Variants in MTMR9 observed in about 807,000 individuals in gnomAD.
MTMR9 encodes myotubularin-related protein 9.
MTMR9 carries 39 observed loss-of-function variants against 69.5 expected under a neutral mutation model. The ratio of observed to expected loss-of-function variants is 0.56; its 90% confidence interval spans 0.43 to 0.73. MTMR9 has a LOEUF of 0.73. Ranked by LOEUF, MTMR9 falls within the 30% of genes least tolerant of loss-of-function variation. The pLI is 0.00. For missense variants in MTMR9, 900 were observed against 671.2 expected (o/e 1.34, Z -3.77); for synonymous variants, 354 against 240.8 (o/e 1.47, Z -4.35).
At chr8:11,329,925 T>A (rs2736266), downstream of MTMR9, among the ~76,000 whole-genome samples, 2 of 150,970 alleles carry the variant, frequency 1.3e-5, no homozygotes, top group African/African-American at 4.9e-5. Context: ...TCTGCCCGGC[T>A]GCGACCCCGT....
chr8:11,307,177 T>G (rs1319195405), intron 5 of MTMR9, among the ~76,000 whole-genome samples: 1 of 152,176 alleles, frequency 6.6e-6, no homozygotes, highest in Non-Finnish European at 1.5e-5. Flanking sequence ...GTTCAAGTGA[T>G]TCTCCTGTCT....
chr8:11,331,834 C>CG (rs1801245094), downstream of MTMR9: 1 of 1,611,776 alleles, frequency 6.2e-7, no homozygotes, highest in African/African-American at 1.3e-5. Flanking sequence ...GTGCTGCAGA[C>CG]CCCCGTGTTG....
chr8:11,293,304 A>G (rs1183273610), intron 1 of MTMR9, among the ~76,000 whole-genome samples: 1 of 152,226 alleles, frequency 6.6e-6, no homozygotes, highest in East Asian at 1.9e-4. Context: ...ATATTTTTGT[A>G]CAGCTGTATG....
downstream of MTMR9, chr8:11,331,934 G>C (rs1177547660): frequency 6.2e-7 from 1 of 1,612,066 alleles, no homozygotes. Context: ...CGGTCACCAA[G>C]GCCCACCCTG....
At chr8:11,290,448 A>G (rs1405962937) in intron 1 of MTMR9, among the ~76,000 whole-genome samples, 2 of 151,762 alleles carry the variant, frequency 1.3e-5, no homozygotes, top group Non-Finnish European at 2.9e-5. Flanking sequence ...TTGAACAGAA[A>G]TCTTTACTTT....
the MTMR9 span, among the ~76,000 whole-genome samples, chr8:11,339,335 C>G: frequency 1.3e-5 from 2 of 152,190 alleles, no homozygotes; most frequent in African/African-American, 4.8e-5. Flanking sequence ...AAACTATTCC[C>G]TTGGAAGAGT....
At chr8:11,319,917 G>A (rs1800599959) in intron 9 of MTMR9, 79 bp downstream of exon 9, 2 of 1,456,080 alleles carry the variant, frequency 1.4e-6, no homozygotes, top group Non-Finnish European at 1.9e-6. Flanking sequence ...TGTTGGTGAT[G>A]TATGAAGATG....
In MTMR9 at chr8:11,298,816, G is replaced by T. The variant is rs1284783626; in HGVS notation, c.292-1207G>T. 6 of 977,800 alleles carry T rather than the reference G, an allele frequency of 6.1e-6. No homozygotes were observed. In the South Asian group the frequency reaches 2.8e-4, roughly 46 times the overall value. The allele number at this position is 977,800 out of a possible 1,614,324, so 60.6% of individuals were successfully genotyped here. A position where few individuals can be genotyped will look rare whatever the true frequency, so the allele number is the denominator to read the frequency against. On this transcript the variant is annotated intron_variant, in intron 2 of 9. Transcript: ENST00000221086. The stretch of plus-strand genomic sequence containing the variant: ...AGTGATAGAGACTTTCCTTCTCTCT[G>T]TTCCTCCCATCTACTCAGGTTTTCC...
At chr8:11,299,541 C>T (rs191368847) in intron 2 of MTMR9, among the ~76,000 whole-genome samples, 3 of 152,290 alleles carry the variant, frequency 2.0e-5, no homozygotes, top group Admixed American at 1.3e-4. Flanking sequence ...TTCTCATTCC[C>T]ATCTGACTGT....
chr8:11,315,077 G>C lies in MTMR9; in HGVS notation c.1113+13G>C. 1.9e-6 allele frequency: 3 copies of C among 1,609,744 alleles called. No homozygotes were observed. Among genetic ancestry groups the C allele is most frequent in the Non-Finnish European group, 2.5e-6 (3 of 1,176,474 alleles). On this transcript the variant is annotated intron_variant, in intron 7 of 9. Coordinates refer to ENST00000221086, the MANE Select transcript of MTMR9 (RefSeq NM_015458.4). Reference sequence around the variant, plus strand: ...AGAGTGGCTGCAGGTGAGAAGAGCTGTTTGATTCACAGAGGAACTGCTTAT... The same window carrying C: ...AGAGTGGCTGCAGGTGAGAAGAGCTCTTTGATTCACAGAGGAACTGCTTAT...
rs533271729 is a variant in MTMR9 at position 11,309,941 on chromosome 8, G to GT, written c.971+263dup. Among the ~76,000 whole-genome samples the GT allele has an allele frequency of 6.0e-3, 893 of 147,824 alleles. 5 individuals carry two copies. Among genetic ancestry groups the GT allele is most frequent in the Non-Finnish European group, 8.1e-3 (542 of 66,616 alleles). ...CAAATTTTTAAGTACTAATGGACCC[G>GT]TTTTTTTTTTCTAGTACACCCTTAA... On this transcript the variant is annotated intron_variant, in intron 6 of 9. Coordinates refer to ENST00000221086, the MANE Select transcript of MTMR9 (RefSeq NM_015458.4).
At chr8:11,308,870 C>G (rs1259394062) in intron 5 of MTMR9, among the ~76,000 whole-genome samples, 3 of 152,202 alleles carry the variant, frequency 2.0e-5, no homozygotes, top group Non-Finnish European at 2.9e-5. Context: ...CACTAGCATT[C>G]TTTCTCTAAG....
chr8:11,305,060 G>C (rs1012839288), intron 4 of MTMR9, 46 bp downstream of exon 4: 1 of 1,570,480 alleles, frequency 6.4e-7, no homozygotes, highest in African/African-American at 1.4e-5. Context: ...GGCTTGGGTT[G>C]GGGATCTTTT....
chr8:11,290,238 T>C (rs1040363992), intron 1 of MTMR9, among the ~76,000 whole-genome samples: 3 of 152,224 alleles, frequency 2.0e-5, no homozygotes, highest in Admixed American at 1.3e-4. Context: ...TTGTGAGCAG[T>C]ATACTTAAAA....
downstream of MTMR9, among the ~76,000 whole-genome samples, chr8:11,332,957 A>G (rs938131565): frequency 2.0e-5 from 3 of 152,222 alleles, no homozygotes; most frequent in Non-Finnish European, 4.4e-5. Flanking sequence ...AGATAGGATT[A>G]TTGAAATTAT....
intron 5 of MTMR9, 150 bp downstream of exon 5, chr8:11,306,557 G>C: frequency 4.4e-6 from 3 of 687,398 alleles, no homozygotes; most frequent in Non-Finnish European, 7.2e-6. Flanking sequence ...TTTTTTTTTG[G>C]TCAGCTCTAT....
chr8:11,316,069 G>A (rs1471369669), intron 7 of MTMR9: 1 of 152,220 alleles, frequency 6.6e-6, no homozygotes, highest in African/African-American at 2.4e-5. Flanking sequence ...GTCAGTAGAT[G>A]GCAGACTCTT....
At chr8:11,307,878 C>G (rs1465032244) in intron 5 of MTMR9, among the ~76,000 whole-genome samples, 1 of 151,860 alleles carries the variant, frequency 6.6e-6, no homozygotes, top group Non-Finnish European at 1.5e-5. Flanking sequence ...TCAGGTCTTG[C>G]CCATTCTTTA....
intron 1 of MTMR9, among the ~76,000 whole-genome samples, chr8:11,289,452 G>T (rs944447733): frequency 1.3e-5 from 2 of 151,680 alleles, no homozygotes; most frequent in African/African-American, 2.4e-5. Context: ...CTTTCAACAT[G>T]CAAGGTTGTA....
Sources: gnomAD v4.1 joint callset for allele counts (sites outside exome capture counted in the v4.1 genomes callset) on GRCh38, gnomAD v4.1.1 for gene constraint, MANE v1.5 for transcripts, NCBI Gene and HGNC (gene_info 2026-07-23, HGNC 2026-07-21) for gene names.